The following ZSWIM5 variants were observed in gnomAD, a reference collection of about 807,000 sequenced individuals.
ZSWIM5 encodes the protein zinc finger SWIM-type containing 5.
ZSWIM5 carries 55 observed loss-of-function variants against 119.6 expected under a neutral mutation model. That is an observed-to-expected ratio of 0.46 (90% CI 0.37 to 0.58). The LOEUF is 0.58. Among genes scored for constraint, ZSWIM5 ranks in the 20% least tolerant of loss-of-function variants. The pLI is 0.00. For missense variants in ZSWIM5, 1,193 were observed against 1,512.8 expected (o/e 0.79, Z 3.51); for synonymous variants, 537 against 606.9 (o/e 0.88, Z 1.69).
At chr1:45,167,596 G>C (rs961590550) in intron 1 of ZSWIM5, among the ~76,000 whole-genome samples, 5 of 151,896 alleles carry the variant, frequency 3.3e-5, no homozygotes, top group Non-Finnish European at 7.4e-5. Flanking sequence ...CTAATATCCA[G>C]AATCTACAAA....
intron 2 of ZSWIM5, among the ~76,000 whole-genome samples, chr1:45,085,995 A>T (rs964620889): frequency 1.3e-5 from 2 of 152,234 alleles, no homozygotes; most frequent in Non-Finnish European, 2.9e-5. Context: ...CTATAAAAAA[A>T]TACCTGAGAA....
In ZSWIM5 at chr1:45,147,852, A is replaced by T. The variant is rs570317037; in HGVS notation, c.595+57904T>A. 2.0e-5 allele frequency among the ~76,000 whole-genome samples: 3 copies of T among 152,238 alleles called. No individual in the cohort carries two copies. The South Asian group carries it at 6.2e-4, about 32-fold the overall frequency. ...CACTTCCTTTTTAATGAACTCCAAA[A>T]ACAATCTGTGAATGCCCACAGAAAA... On this transcript the variant is annotated intron_variant, in intron 1 of 13. Coordinates refer to ENST00000359600, the MANE Select transcript of ZSWIM5 (RefSeq NM_020883.2).
intron 1 of ZSWIM5, among the ~76,000 whole-genome samples, chr1:45,121,602 C>T (rs867492931): frequency 0.02 from 2,777 of 136,422 alleles, 106 homozygotes; most frequent in African/African-American, 0.071. Flanking sequence ...TTTTCTTCTT[C>T]TTTTTTTTTT....
At chr1:45,194,144 T>C (rs1646108727) in intron 1 of ZSWIM5, among the ~76,000 whole-genome samples, 1 of 152,138 alleles carries the variant, frequency 6.6e-6, no homozygotes, top group African/African-American at 2.4e-5. Flanking sequence ...TTAGCAGGTA[T>C]TGACAGATTT....
chr1:45,050,250 G>A (rs1043924541), intron 5 of ZSWIM5, among the ~76,000 whole-genome samples: 9 of 151,998 alleles, frequency 5.9e-5, no homozygotes, highest in African/African-American at 1.7e-4. Flanking sequence ...CCAGCTACTC[G>A]GGAGGCTGAG....
chr1:45,123,079 A>G (rs1570123445), intron 1 of ZSWIM5, among the ~76,000 whole-genome samples: 1 of 152,152 alleles, frequency 6.6e-6, no homozygotes. Context: ...CAGGACTTCT[A>G]CCTCCACCTA....
At chr1:45,200,638 T>A (rs1332770506) in intron 1 of ZSWIM5, among the ~76,000 whole-genome samples, 1 of 152,196 alleles carries the variant, frequency 6.6e-6, no homozygotes, top group Non-Finnish European at 1.5e-5. Flanking sequence ...CACACAGTCA[T>A]CATTTTTTAT....
At chr1:45,042,249 G>A (rs1570012833) in intron 6 of ZSWIM5, among the ~76,000 whole-genome samples, 1 of 152,140 alleles carries the variant, frequency 6.6e-6, no homozygotes, top group South Asian at 2.1e-4. Context: ...GTAAATGAGA[G>A]TACCTAGCTC....
intron 2 of ZSWIM5, among the ~76,000 whole-genome samples, chr1:45,070,706 T>C (rs1008740326): frequency 6.6e-6 from 1 of 152,242 alleles, no homozygotes. Flanking sequence ...TATTCCACAC[T>C]GTTGACCATT....
Position 45,051,219 on chromosome 1 carries a change from G to A in ZSWIM5, c.1287C>T (p.His429=), listed in dbSNP as rs1321027634. ...AGCAGGATTTCTCCTCCAGTTTGCA[G>A]TGTGGATTTAAAATTATGCACACCC... The part of the protein sequence containing the change: ...ALWVCIILNP[H]CKLEEKSCWL... The change falls in exon 5 of 14, where the codon CAC becomes CAT. Residue 429 remains histidine, a synonymous_variant. Coordinates refer to ENST00000359600, the MANE Select transcript of ZSWIM5 (RefSeq NM_020883.2). 4 of 1,614,064 alleles carry A rather than the reference G, an allele frequency of 2.5e-6. No individual in the cohort carries two copies. The highest frequency in any genetic ancestry group is 3.4e-6 in the Non-Finnish European group (4 of 1,180,048).
intron 1 of ZSWIM5, among the ~76,000 whole-genome samples, chr1:45,168,018 T>C (rs939224966): frequency 6.6e-6 from 1 of 152,136 alleles, no homozygotes; most frequent in Non-Finnish European, 1.5e-5. Context: ...TAAAGACACA[T>C]GCACACGTAT....
chr1:45,138,142 C>T (rs779767163), intron 1 of ZSWIM5, among the ~76,000 whole-genome samples: 47 of 151,956 alleles, frequency 3.1e-4, no homozygotes, highest in Non-Finnish European at 5.4e-4. Flanking sequence ...CATGGGTCAA[C>T]TTATACAAGG....
chr1:45,084,676 G>T (rs1299735734), intron 2 of ZSWIM5, among the ~76,000 whole-genome samples: 3 of 152,248 alleles, frequency 2.0e-5, no homozygotes, highest in Non-Finnish European at 4.4e-5. Context: ...CCAAAACCCA[G>T]CAGGGCAGTC....
At chr1:45,187,286 T>A (rs1646064962) in intron 1 of ZSWIM5, among the ~76,000 whole-genome samples, 1 of 152,150 alleles carries the variant, frequency 6.6e-6, no homozygotes, top group Non-Finnish European at 1.5e-5. Context: ...TTGAGAGTCC[T>A]GAAATAAACT....
chr1:45,193,889 G>A (rs182508250), intron 1 of ZSWIM5, among the ~76,000 whole-genome samples: 194 of 151,546 alleles, frequency 1.3e-3, no homozygotes, highest in Non-Finnish European at 2.3e-3. Flanking sequence ...GAAGGAGCCA[G>A]AATTACATAT....
chr1:45,125,719 C>T (rs1645616925), intron 1 of ZSWIM5, among the ~76,000 whole-genome samples: 1 of 147,480 alleles, frequency 6.8e-6, no homozygotes, highest in Non-Finnish European at 1.5e-5. Context: ...GCCGAGATTG[C>T]GTCATTGCAC....
At chr1:45,158,874 C>G (rs1645846818) in intron 1 of ZSWIM5, among the ~76,000 whole-genome samples, 1 of 152,082 alleles carries the variant, frequency 6.6e-6, no homozygotes, top group African/African-American at 2.4e-5. Context: ...TTCTTTTATT[C>G]TAGCTCACTA....
chr1:45,186,879 A>T (rs1018191186), intron 1 of ZSWIM5, among the ~76,000 whole-genome samples: 4 of 152,156 alleles, frequency 2.6e-5, no homozygotes, highest in Non-Finnish European at 5.9e-5. Context: ...GATGTGAGCC[A>T]TCATACCTGC....
intron 11 of ZSWIM5, among the ~76,000 whole-genome samples, chr1:45,026,249 G>C (rs1644919527): frequency 6.6e-6 from 1 of 151,990 alleles, no homozygotes. Flanking sequence ...TATCCAGGCT[G>C]GTCTTGAACT....
Sources: gnomAD v4.1 joint callset for allele counts (sites outside exome capture counted in the v4.1 genomes callset) on GRCh38, gnomAD v4.1.1 for gene constraint, MANE v1.5 for transcripts, NCBI Gene and HGNC (gene_info 2026-07-23, HGNC 2026-07-21) for gene names.